Variants in DGKD observed in about 807,000 individuals in gnomAD.
DGKD encodes DAG kinase delta.
A neutral mutation model predicts 154.4 loss-of-function variants in DGKD; 68 were observed. The observed-to-expected ratio is 0.44, with a 90% confidence interval of 0.36 to 0.54. The LOEUF is 0.54. Ranked by LOEUF, DGKD falls within the 20% of genes least tolerant of loss-of-function variation. The probability of loss-of-function intolerance (pLI) is 0.00; values close to 1 mark genes in which losing one functional copy is unlikely to be tolerated. For synonymous variants in DGKD, 693 were observed against 638.0 expected (o/e 1.09, Z -1.30); for missense variants, 1,343 against 1,593.6 (o/e 0.84, Z 2.68).
At chr2:233,403,713 C>T (rs2061613146) in intron 3 of DGKD, among the ~76,000 whole-genome samples, 1 of 151,186 alleles carries the variant, frequency 6.6e-6, no homozygotes, top group Non-Finnish European at 1.5e-5. Flanking sequence ...GATTTAGGCT[C>T]ATTGCAACCT....
intron 1 of DGKD, among the ~76,000 whole-genome samples, chr2:233,377,217 T>TG (rs1702624192): frequency 6.6e-6 from 1 of 151,806 alleles, no homozygotes. Context: ...CGAGTAGCTG[T>TG]GATTACAGGT....
At chr2:233,363,645 G>A (rs913417801) in intron 1 of DGKD, among the ~76,000 whole-genome samples, 1 of 152,178 alleles carries the variant, frequency 6.6e-6, no homozygotes, top group East Asian at 1.9e-4. Context: ...CTCATCCAGA[G>A]CAACTTCCAG....
At chr2:233,436,798 G>A (rs538112856) in intron 7 of DGKD, among the ~76,000 whole-genome samples, 2 of 152,364 alleles carry the variant, frequency 1.3e-5, no homozygotes, top group South Asian at 4.1e-4. Flanking sequence ...ATTTGGAGCG[G>A]CGTTGGCTCT....
At chr2:233,464,479 G>C (rs2063767959) in intron 27 of DGKD, among the ~76,000 whole-genome samples, 196 bp downstream of exon 27, 1 of 152,212 alleles carries the variant, frequency 6.6e-6, no homozygotes, top group Non-Finnish European at 1.5e-5. Flanking sequence ...AAGGAGTTCT[G>C]GGCTGGGATT....
At chr2:233,426,419 C>G (rs568395892) in intron 3 of DGKD, among the ~76,000 whole-genome samples, 4 of 152,160 alleles carry the variant, frequency 2.6e-5, no homozygotes, top group Admixed American at 2.6e-4. Context: ...ATGCATGTTC[C>G]CGACCACGGA....
In DGKD at chr2:233,460,362, C is replaced by T. The variant is rs1277874387; in HGVS notation, c.2981+17C>T. The T allele has an allele frequency of 4.3e-6, 7 of 1,613,160 alleles. No individual in the cohort carries two copies. In the Admixed American group the frequency reaches 1.2e-4, roughly 27 times the overall value. On this transcript the variant is annotated intron_variant, in intron 24 of 29. Transcript: ENST00000264057. Reference sequence around the variant, plus strand: ...CATTCACAGGTGGGCTCCTACCCCTCTGCGTTGCGCATGAGCCTCCCCCAG... The same window carrying T: ...CATTCACAGGTGGGCTCCTACCCCTTTGCGTTGCGCATGAGCCTCCCCCAG...
At chr2:233,434,229 C>T in intron 3 of DGKD, 151 bp from the exon 4 acceptor site, 21 of 582,516 alleles carry the variant, frequency 3.6e-5, no homozygotes, top group East Asian at 8.7e-5. Flanking sequence ...TTTAGTGATC[C>T]TTGATAACCA....
At chr2:233,357,023 A>G (rs917295465) in intron 1 of DGKD, among the ~76,000 whole-genome samples, 2 of 151,998 alleles carry the variant, frequency 1.3e-5, no homozygotes, top group Admixed American at 6.6e-5. Flanking sequence ...GCAGGCTGCA[A>G]TGAGGCAAGC....
At chr2:233,448,914 G>C (rs540359492) in intron 14 of DGKD, among the ~76,000 whole-genome samples, 189 bp from the exon 15 acceptor site, 1 of 152,334 alleles carries the variant, frequency 6.6e-6, no homozygotes, top group Admixed American at 6.5e-5. Context: ...TTTCCCACCT[G>C]CCAGGGCGGG....
intron 1 of DGKD, among the ~76,000 whole-genome samples, chr2:233,360,501 T>C (rs6736385): frequency 2.0e-5 from 3 of 151,390 alleles, no homozygotes; most frequent in Admixed American, 6.5e-5. Context: ...CAAGCGATCC[T>C]CCCCCTTTGG....
rs1276381827 is a variant in DGKD at position 233,445,235 on chromosome 2, G to A, written c.1195-388G>A. ...GATGCTGTAGTGGATGGAGGGACGGGTGGCGAGGCATCAGAGTGATTCCTT... is the reference window on the plus strand; with the variant it reads ...GATGCTGTAGTGGATGGAGGGACGGATGGCGAGGCATCAGAGTGATTCCTT... On this transcript the variant is annotated intron_variant, in intron 10 of 29. Transcript: ENST00000264057. The surrounding 1 kb of genome is among the most constrained non-coding windows in gnomAD (Gnocchi z 5.5). 6.6e-6 allele frequency among the ~76,000 whole-genome samples: 1 copy of A among 152,036 alleles called. No homozygotes were observed. The highest frequency in any genetic ancestry group is 1.5e-5 in the Non-Finnish European group (1 of 68,010).
intron 1 of DGKD, among the ~76,000 whole-genome samples, chr2:233,378,977 G>A (rs1381876062): frequency 1.3e-5 from 2 of 152,238 alleles, no homozygotes; most frequent in Non-Finnish European, 2.9e-5. Context: ...GCTGCGGTGA[G>A]CTGTGATTGA....
chr2:233,466,717 A>G (rs2063833702), intron 27 of DGKD, among the ~76,000 whole-genome samples: 1 of 152,270 alleles, frequency 6.6e-6, no homozygotes. Context: ...ACTAAGAATC[A>G]AAGCCCAGCA....
At chr2:233,453,713 C>T (rs772283752) in intron 18 of DGKD, among the ~76,000 whole-genome samples, 24 of 152,308 alleles carry the variant, frequency 1.6e-4, no homozygotes, top group Non-Finnish European at 3.4e-4. Context: ...TCCACTTGCC[C>T]TCGGGGGGAA....
At chr2:233,414,570 G>A (rs2061910901) in intron 3 of DGKD, among the ~76,000 whole-genome samples, 1 of 152,190 alleles carries the variant, frequency 6.6e-6, no homozygotes, top group Admixed American at 6.5e-5. Context: ...CCCAGCTCCT[G>A]ACATTACAAT....
chr2:233,382,428 C>T (rs1317558149), intron 1 of DGKD, among the ~76,000 whole-genome samples: 1 of 152,094 alleles, frequency 6.6e-6, no homozygotes, highest in Non-Finnish European at 1.5e-5. Flanking sequence ...TGTTGAAGGA[C>T]CGGGGAAGTC....
At position 233,438,194 on chromosome 2, in the gene DGKD, C is replaced by T; in HGVS notation, c.923-23C>T. 6.2e-7 allele frequency: 1 copy of T among 1,611,804 alleles called. No homozygotes were observed. The highest frequency in any genetic ancestry group is 8.5e-7 in the Non-Finnish European group (1 of 1,178,778). On this transcript the variant is annotated intron_variant, in intron 8 of 29. Coordinates refer to ENST00000264057, the MANE Select transcript of DGKD (RefSeq NM_152879.3). The surrounding 1 kb of genome is among the most constrained non-coding windows in gnomAD (Gnocchi z 4.1). ...GCGTCTTCCGTGGCCTATATATTTT[C>T]TTCTGTTCGTTCTTGCGTCCAGGGT...
intron 3 of DGKD, among the ~76,000 whole-genome samples, chr2:233,426,302 T>A (rs2062296080): frequency 6.6e-6 from 1 of 152,208 alleles, no homozygotes; most frequent in Non-Finnish European, 1.5e-5. Context: ...ACTTTTCTTT[T>A]GAGTTATGTG....
At chr2:233,411,659 G>T (rs905646512) in intron 3 of DGKD, among the ~76,000 whole-genome samples, 3 of 152,132 alleles carry the variant, frequency 2.0e-5, no homozygotes, top group Non-Finnish European at 4.4e-5. Context: ...TAGAACAGAA[G>T]TCTTTCTTTT....
Sources: gnomAD v4.1 joint callset for allele counts (sites outside exome capture counted in the v4.1 genomes callset) on GRCh38, gnomAD v4.1.1 for gene constraint, Gnocchi (gnomAD v3.1) non-coding constraint, MANE v1.5 for transcripts, NCBI Gene and HGNC (gene_info 2026-07-23, HGNC 2026-07-21) for gene names.